The following SYN3 variants were observed in gnomAD, a reference collection of about 807,000 sequenced individuals.
The protein encoded by SYN3 is synapsin III, also known as synapsin-3.
A neutral mutation model predicts 65.8 loss-of-function variants in SYN3; 35 were observed. The ratio of observed to expected loss-of-function variants is 0.53; its 90% CI spans 0.41 to 0.70. SYN3 has a LOEUF of 0.70. Among genes scored for constraint, SYN3 ranks in the 30% least tolerant of loss-of-function variants. SYN3 has a pLI of 0.00. For synonymous variants in SYN3, 270 were observed against 292.9 expected, an observed-to-expected ratio of 0.92 and a Z score of 0.80; for missense variants, 680 against 749.0, an observed-to-expected ratio of 0.91 and a Z score of 1.08.
At chr22:32,598,390 G>T (rs1450311578) in intron 6 of SYN3, among the ~76,000 whole-genome samples, 1 of 152,228 alleles carries the variant, frequency 6.6e-6, no homozygotes, top group Non-Finnish European at 1.5e-5. Flanking sequence ...TGCTGGGAAG[G>T]GGTGGAGCTG....
At chr22:32,969,481 T>G (rs1178216002) in intron 3 of SYN3, among the ~76,000 whole-genome samples, 1 of 152,180 alleles carries the variant, frequency 6.6e-6, no homozygotes, top group East Asian at 1.9e-4. Context: ...TAAACTTCAT[T>G]TGTTTTTGCT....
intron 2 of SYN3, among the ~76,000 whole-genome samples, chr22:32,980,983 T>C (rs764613377): frequency 2.0e-5 from 3 of 151,782 alleles, no homozygotes; most frequent in Non-Finnish European, 4.4e-5. Context: ...GCCTCCCGAG[T>C]AGCTGGGATT....
At chr22:32,990,060 T>C (rs940427824) in intron 2 of SYN3, among the ~76,000 whole-genome samples, 1 of 152,222 alleles carries the variant, frequency 6.6e-6, no homozygotes, top group African/African-American at 2.4e-5. Context: ...AAAGGTAATA[T>C]ACTAAAAAGT....
chr22:32,619,042 G>C (rs1048394239), intron 6 of SYN3, among the ~76,000 whole-genome samples: 1 of 152,200 alleles, frequency 6.6e-6, no homozygotes. Flanking sequence ...GAATCTGTGA[G>C]GTCCAGAGCC....
intron 1 of SYN3, among the ~76,000 whole-genome samples, chr22:33,020,202 A>C (rs1160783551): frequency 6.6e-6 from 1 of 152,346 alleles, no homozygotes; most frequent in East Asian, 1.9e-4. Context: ...TTGAATAGTT[A>C]ACCATGGAAA....
At chr22:33,030,405 A>C (rs766859727) in intron 1 of SYN3, among the ~76,000 whole-genome samples, 4 of 152,170 alleles carry the variant, frequency 2.6e-5, no homozygotes, top group Non-Finnish European at 4.4e-5. Flanking sequence ...GGAGGAAGCT[A>C]TTGACAGGGG....
At chr22:32,777,851 C>T (rs2045946284) in intron 6 of SYN3, among the ~76,000 whole-genome samples, 1 of 151,990 alleles carries the variant, frequency 6.6e-6, no homozygotes, top group African/African-American at 2.4e-5. Context: ...CAATAATATC[C>T]ATGAATTCAT....
intron 6 of SYN3, among the ~76,000 whole-genome samples, chr22:32,696,253 A>G (rs942579571): frequency 1.3e-5 from 2 of 152,234 alleles, no homozygotes; most frequent in East Asian, 3.9e-4. Flanking sequence ...ATGCTGGCCC[A>G]GAAGTGACAT....
chr22:32,878,415 C>T (rs2049036322), intron 4 of SYN3, among the ~76,000 whole-genome samples: 1 of 152,192 alleles, frequency 6.6e-6, no homozygotes. Flanking sequence ...TCCTCCAATG[C>T]CTCATGCTTG....
At chr22:32,998,091 T>G (rs1430934022) in intron 2 of SYN3, among the ~76,000 whole-genome samples, 1 of 151,464 alleles carries the variant, frequency 6.6e-6, no homozygotes, top group African/African-American at 2.4e-5. Context: ...ACCCCCAACC[T>G]TGTCATTGCC....
At chr22:32,678,488 A>G (rs1212989277) in intron 6 of SYN3, among the ~76,000 whole-genome samples, 2 of 152,086 alleles carry the variant, frequency 1.3e-5, no homozygotes, top group Non-Finnish European at 2.9e-5. Context: ...CCACAGCTTC[A>G]CTGAAAGTAC....
intron 6 of SYN3, among the ~76,000 whole-genome samples, chr22:32,604,849 CA>C (rs200254033): frequency 0.086 from 12,951 of 151,370 alleles, 760 homozygotes; most frequent in African/African-American, 0.16. Flanking sequence ...ACTAAAAATG[CA>C]AAAAAATTAG....
chr22:32,798,181 G>C (rs974207741), intron 6 of SYN3, among the ~76,000 whole-genome samples: 2 of 152,048 alleles, frequency 1.3e-5, no homozygotes, highest in Non-Finnish European at 2.9e-5. Context: ...TGGCTCAGAG[G>C]GTGATTATTA....
At chr22:33,008,882 G>A (rs1044201449) in intron 1 of SYN3, among the ~76,000 whole-genome samples, 12 of 122,972 alleles carry the variant, frequency 9.8e-5, no homozygotes, top group Non-Finnish European at 1.3e-4. Flanking sequence ...CCAAGATCAC[G>A]TCACTGCACT....
At chr22:32,763,085 CT>C (rs1339702741) in intron 6 of SYN3, among the ~76,000 whole-genome samples, 1 of 151,784 alleles carries the variant, frequency 6.6e-6, no homozygotes, top group South Asian at 2.1e-4. Context: ...CTCATTTCAT[CT>C]TTTTTTTAAA....
intron 6 of SYN3, among the ~76,000 whole-genome samples, chr22:32,682,349 C>G (rs1405407116): frequency 6.6e-6 from 1 of 152,118 alleles, no homozygotes; most frequent in African/African-American, 2.4e-5. Flanking sequence ...GGATCTTGAA[C>G]AGAGGAGTGA....
intron 6 of SYN3, among the ~76,000 whole-genome samples, chr22:32,768,802 A>C (rs1034114104): frequency 2.6e-5 from 4 of 151,936 alleles, no homozygotes; most frequent in Non-Finnish European, 5.9e-5. Flanking sequence ...TTCATCTCAC[A>C]CTTCTCATAT....
chr22:32,954,784 G>C (rs980442256), intron 3 of SYN3, among the ~76,000 whole-genome samples: 1 of 151,972 alleles, frequency 6.6e-6, no homozygotes. Flanking sequence ...GCAGACCATA[G>C]TGAGGGGACA....
intron 6 of SYN3, among the ~76,000 whole-genome samples, chr22:32,619,824 C>G (rs1211780799): frequency 2.0e-5 from 3 of 152,250 alleles, no homozygotes; most frequent in Non-Finnish European, 4.4e-5. Context: ...TGTTTCAGCT[C>G]TCTCTGGGAC....
Sources: gnomAD v4.1 joint callset for allele counts (sites outside exome capture counted in the v4.1 genomes callset) on GRCh38, gnomAD v4.1.1 for gene constraint, MANE v1.5 for transcripts, NCBI Gene and HGNC (gene_info 2026-07-23, HGNC 2026-07-21) for gene names.